The following EBF4 variants were observed in gnomAD, a reference collection of about 807,000 sequenced individuals.
EBF4 encodes EBF transcription factor 4, also known as transcription factor COE4.
Under a neutral mutation model 67.1 loss-of-function variants are expected in EBF4, and 34 were observed. The observed-to-expected ratio is 0.51, with a 90% confidence interval of 0.39 to 0.67. The LOEUF (loss-of-function observed/expected upper bound fraction) is 0.67, where lower values mean the gene tolerates loss of function less well. EBF4 is among the 30% of genes least tolerant of loss of function. The probability of loss-of-function intolerance (pLI) is 0.00; values close to 1 mark genes in which losing one functional copy is unlikely to be tolerated. For synonymous variants in EBF4, 387 were observed against 377.7 expected, an observed-to-expected ratio of 1.02 and a Z score of -0.29; for missense variants, 837 against 873.3, an observed-to-expected ratio of 0.96 and a Z score of 0.52.
chr20:2,734,870 G>A (rs1380965686), intron 6 of EBF4, among the ~76,000 whole-genome samples: 1 of 152,134 alleles, frequency 6.6e-6, no homozygotes, highest in African/African-American at 2.4e-5. Flanking sequence ...CTTCCTGCTT[G>A]CTCAGGGCCT....
chr20:2,693,627 TCACTC>T lies in EBF4; in HGVS notation c.-18_-14del. On this transcript the variant is annotated 5_prime_UTR_variant, in exon 1 of 17. Coordinates refer to ENST00000609451, the Ensembl canonical transcript of EBF4. The surrounding 1 kb of genome is among the most constrained non-coding windows in gnomAD (Gnocchi z 4.6). ...ACCGGATCCGGGGCGGCGGGGGCGC[TCACTC>T]ACCGCGCGCCCTCATGTTCCCTGCG... The T allele has an allele frequency of 1.5e-6, 2 of 1,378,332 alleles. No homozygotes were observed. The highest frequency in any genetic ancestry group is 1.9e-6 in the Non-Finnish European group (2 of 1,069,314). 85.4% of individuals were successfully genotyped at this position (1,378,332 alleles called of 1,614,324 possible).
chr20:2,724,154 G>T (rs1489841220), intron 6 of EBF4, among the ~76,000 whole-genome samples: 2 of 152,138 alleles, frequency 1.3e-5, no homozygotes, highest in Non-Finnish European at 2.9e-5. Context: ...GACACCCATT[G>T]GCAGTTTGAA....
intron 1 of EBF4, among the ~76,000 whole-genome samples, chr20:2,699,327 A>G (rs2087341656): frequency 6.6e-6 from 1 of 152,230 alleles, no homozygotes; most frequent in South Asian, 2.1e-4. Context: ...CAGGAAGTCC[A>G]TGCACACCCA....
chr20:2,727,672 G>A (rs900814491), intron 6 of EBF4, among the ~76,000 whole-genome samples: 8 of 152,222 alleles, frequency 5.3e-5, no homozygotes, highest in African/African-American at 9.6e-5. Flanking sequence ...TTAAAAGGTC[G>A]CACCATTTAA....
At chr20:2,722,847 T>A (rs1214941048) in intron 6 of EBF4, among the ~76,000 whole-genome samples, 1 of 152,228 alleles carries the variant, frequency 6.6e-6, no homozygotes, top group Non-Finnish European at 1.5e-5. Flanking sequence ...AGCAGAAGTG[T>A]GTTTCTTAAT....
At chr20:2,705,542 CT>C in intron 1 of EBF4, 34 bp from the exon 2 acceptor site, 1 of 1,551,622 alleles carries the variant, frequency 6.4e-7, no homozygotes, top group Non-Finnish European at 8.7e-7. Flanking sequence ...ACTGGGGGGC[CT>C]TCCAGTGGTT....
Position 2,751,509 on chromosome 20 carries a change from A to C in EBF4, c.1019-191A>C, listed in dbSNP as rs909418228. ...TATTTGTTGAGTAAACAAACGAAAGAACTGAAACTTCCCTGAATCTCGCTG... is the reference window on the plus strand; with the variant it reads ...TATTTGTTGAGTAAACAAACGAAAGCACTGAAACTTCCCTGAATCTCGCTG... On this transcript the variant is annotated intron_variant, in intron 10 of 16. Coordinates refer to ENST00000609451, the Ensembl canonical transcript of EBF4. The surrounding 1 kb of genome is among the most constrained non-coding windows in gnomAD (Gnocchi z 5.2). Among the ~76,000 whole-genome samples the C allele has an allele frequency of 1.3e-5, 2 of 152,164 alleles. No individual in the cohort carries two copies. The highest frequency in any genetic ancestry group is 2.9e-5 in the Non-Finnish European group (2 of 68,022).
intron 6 of EBF4, among the ~76,000 whole-genome samples, chr20:2,743,213 C>G (rs1407934205): frequency 6.6e-6 from 1 of 152,196 alleles, no homozygotes; most frequent in African/African-American, 2.4e-5. Flanking sequence ...GGAGAATTCT[C>G]CTGGGTTGTT....
intron 1 of EBF4, 125 bp from the exon 2 acceptor site, chr20:2,705,452 T>G: frequency 7.2e-7 from 1 of 1,382,770 alleles, no homozygotes; most frequent in South Asian, 1.3e-5. Context: ...CTAGTTGGAT[T>G]TTTTGCCCAA....
intron 6 of EBF4, among the ~76,000 whole-genome samples, chr20:2,728,456 C>T (rs934491566): frequency 6.6e-6 from 1 of 152,082 alleles, no homozygotes. Flanking sequence ...TCACCTTCAC[C>T]CCTACTTATT....
upstream of EBF4, chr20:2,692,830 C>T: frequency 7.0e-6 from 1 of 143,304 alleles, no homozygotes; most frequent in Non-Finnish European, 1.4e-5. This position sits in a 1 kb window ranked among gnomAD's most constrained non-coding sequence, Gnocchi z 6.4. Flanking sequence ...GCGGCGGCGG[C>T]GGGATGGCCC....
chr20:2,729,183 C>CA (rs148104241), intron 6 of EBF4, among the ~76,000 whole-genome samples: 19 of 144,564 alleles, frequency 1.3e-4, no homozygotes, highest in South Asian at 2.2e-4. Context: ...TCCATGGCAC[C>CA]AAAAAAAAAA....
At chr20:2,706,326 T>C (rs2087458464) in intron 4 of EBF4, 62 bp downstream of exon 4, 5 of 1,537,360 alleles carry the variant, frequency 3.3e-6, no homozygotes, top group Non-Finnish European at 4.4e-6. Context: ...TGCCTCCCCC[T>C]GGTCTGAGTG....
At chr20:2,695,122 CT>C (rs969836812) in intron 1 of EBF4, among the ~76,000 whole-genome samples, 108 of 139,654 alleles carry the variant, frequency 7.7e-4, no homozygotes, top group East Asian at 1.0e-3. Flanking sequence ...TTGGTTCTGG[CT>C]TTTTTTTTTT....
rs755635288 is a variant in EBF4 at position 2,756,161 on chromosome 20, C to G, written c.1738+337C>G. ...GAGCCCAGAGCAAAGACCCTCAGAG[C>G]TGGTGGGCTGCACGCCTGTACCTGT... is the stretch of plus-strand genomic sequence containing the variant. On this transcript the variant is annotated intron_variant, in intron 15 of 16. Transcript: ENST00000609451. The surrounding 1 kb of genome is among the most constrained non-coding windows in gnomAD (Gnocchi z 4.5). Among the ~76,000 whole-genome samples, 7 of 152,354 alleles carry G rather than the reference C, an allele frequency of 4.6e-5. No individual in the cohort carries two copies. The highest frequency in any genetic ancestry group is 8.8e-5 in the Non-Finnish European group (6 of 68,028).
intron 6 of EBF4, among the ~76,000 whole-genome samples, chr20:2,737,561 A>G (rs1010706242): frequency 9.9e-5 from 15 of 152,060 alleles, no homozygotes; most frequent in Non-Finnish European, 1.6e-4. Flanking sequence ...TGGAGTTAGT[A>G]GGATGTATTC....
At chr20:2,741,651 G>T (rs1244123979) in intron 6 of EBF4, among the ~76,000 whole-genome samples, 2 of 152,176 alleles carry the variant, frequency 1.3e-5, no homozygotes, top group Non-Finnish European at 2.9e-5. Flanking sequence ...CCAAGTTCAG[G>T]ATGTGGTAAG....
Position 2,707,738 on chromosome 20 carries a change from A to G in EBF4, c.415-209A>G, listed in dbSNP as rs1439871374. On this transcript the variant is annotated intron_variant, in intron 4 of 16. Coordinates refer to ENST00000609451, the Ensembl canonical transcript of EBF4. This position sits in a 1 kb window ranked among gnomAD's most constrained non-coding sequence, Gnocchi z 4.6. ...CAGACAGACAGAATCTGCAGACTTC[A>G]TACCATTCTTGCCAGCCGGTGGTGG... is the stretch of plus-strand genomic sequence containing the variant. Among the ~76,000 whole-genome samples, 6 of 152,164 alleles carry G rather than the reference A, an allele frequency of 3.9e-5. No homozygotes were observed. The highest frequency in any genetic ancestry group is 1.4e-4 in the African/African-American group (6 of 41,440).
chr20:2,741,387 A>G (rs868276956), intron 6 of EBF4, among the ~76,000 whole-genome samples: 1 of 152,110 alleles, frequency 6.6e-6, no homozygotes, highest in Admixed American at 6.5e-5. Context: ...ACTCACATCA[A>G]TTGCCTTCAC....
Sources: allele counts gnomAD v4.1 joint callset (sites outside exome capture counted in the v4.1 genomes callset), GRCh38; gene constraint gnomAD v4.1.1; non-coding constraint Gnocchi (gnomAD v3.1); transcripts MANE v1.5; gene names NCBI Gene and HGNC (gene_info 2026-07-23, HGNC 2026-07-21).